MYH14: variants seen among roughly 807,000 people sequenced by gnomAD.
The protein encoded by MYH14 is myosin heavy chain 14.
MYH14 carries 123 observed loss-of-function variants against 255.5 expected under a neutral mutation model. The observed-to-expected ratio is 0.48, with a 90% CI of 0.42 to 0.56. The LOEUF (loss-of-function observed/expected upper bound fraction) is 0.56. Among genes scored for constraint, MYH14 ranks in the 20% least tolerant of loss-of-function variants. The pLI is 0.00. For synonymous variants in MYH14, 1,095 were observed against 1,161.2 expected (o/e 0.94, Z 1.16); for missense variants, 2,423 against 2,802.3 (o/e 0.86, Z 3.06).
chr19:50,300,302 G>T (rs75651826), intron 39 of MYH14, among the ~76,000 whole-genome samples: 1 of 152,116 alleles, frequency 6.6e-6, no homozygotes, highest in Non-Finnish European at 1.5e-5. Context: ...GGGCTGAAAC[G>T]GTTCTCATCT....
Position 50,276,729 on chromosome 19 carries a change from C to G in MYH14, c.3681-28C>G. Reference sequence around the variant, plus strand: ...CCTGCCTTCCTCTGCTCTGAAATTCCCATCCTCTCTCCTTTCCCCCAATAA... The same window carrying G: ...CCTGCCTTCCTCTGCTCTGAAATTCGCATCCTCTCTCCTTTCCCCCAATAA... On this transcript the variant is annotated intron_variant, in intron 28 of 42. Transcript: ENST00000642316. The surrounding 1 kb of genome is among the most constrained non-coding windows in gnomAD (Gnocchi z 4.3). 3 of 1,612,994 alleles carry G rather than the reference C, an allele frequency of 1.9e-6. No individual in the cohort carries two copies. The highest frequency in any genetic ancestry group is 2.2e-5 in the South Asian group (2 of 91,034).
At chr19:50,289,038 C>A (rs1179651988) in intron 34 of MYH14, among the ~76,000 whole-genome samples, 1 of 145,282 alleles carries the variant, frequency 6.9e-6, no homozygotes, top group Non-Finnish European at 1.5e-5. Context: ...CACTGATGAC[C>A]CTGGAGCTAC....
chr19:50,224,032 T>TTCCCC, intron 5 of MYH14, 122 bp from the exon 6 acceptor site: 1 of 610,332 alleles, frequency 1.6e-6, no homozygotes, highest in Non-Finnish European at 3.0e-6. Context: ...ATGCCCGGTT[T>TTCCCC]CCCCAGTCCC....
At chr19:50,220,660 G>A (rs12971365) in intron 3 of MYH14, among the ~76,000 whole-genome samples, 1 of 151,718 alleles carries the variant, frequency 6.6e-6, no homozygotes, top group Non-Finnish European at 1.5e-5. Flanking sequence ...TCAAGCCATT[G>A]TCCTGCCTCA....
At chr19:50,231,053 C>T (rs994749558) in intron 9 of MYH14, 2 of 204,240 alleles carry the variant, frequency 9.8e-6, no homozygotes, top group African/African-American at 2.3e-5. Context: ...GCTCTGGCTC[C>T]TAGGCCACGG....
At chr19:50,236,820 C>T (rs1201344780) in intron 10 of MYH14, among the ~76,000 whole-genome samples, 1 of 152,128 alleles carries the variant, frequency 6.6e-6, no homozygotes, top group Non-Finnish European at 1.5e-5. Flanking sequence ...CACGTCACAC[C>T]ATTCACCTAT....
In MYH14 at chr19:50,249,760, C is replaced by A. The variant is rs780603261; in HGVS notation, c.1593C>A (p.Ile531=). 5.0e-6 allele frequency: 8 copies of A among 1,614,140 alleles called. No individual in the cohort carries two copies. The highest frequency in any genetic ancestry group is 1.3e-5 in the African/African-American group (1 of 74,942). ...AGGAGGAGTACCAGCGTGAGGGCATCCCCTGGACCTTCCTCGACTTTGGCC... is the reference window on the plus strand; with the variant it reads ...AGGAGGAGTACCAGCGTGAGGGCATACCCTGGACCTTCCTCGACTTTGGCC... ...LEQEEYQREG[I]PWTFLDFGLD... is the part of the protein sequence containing the mutation. The change falls in exon 14 of 43, where the codon ATC becomes ATA. Residue 531 remains isoleucine, a synonymous_variant. Transcript: ENST00000642316.
rs7248328 is a variant in MYH14 at position 50,270,929 on chromosome 19, C to T, written c.3034-480C>T. On this transcript the variant is annotated intron_variant, in intron 24 of 42. Transcript: ENST00000642316. Reference sequence around the variant, plus strand: ...CAGGATGGTCTCGATCTGCTGACCTCGTGATCCGCCTGCCTTGGCCTCCCA... The same window carrying T: ...CAGGATGGTCTCGATCTGCTGACCTTGTGATCCGCCTGCCTTGGCCTCCCA... 2.2e-3 allele frequency among the ~76,000 whole-genome samples: 335 copies of T among 152,238 alleles called. 2 individuals carry two copies. Among genetic ancestry groups the T allele is most frequent in the African/African-American group, 7.1e-3 (295 of 41,548 alleles).
At chr19:50,241,592 C>G (rs1255131660) in intron 10 of MYH14, among the ~76,000 whole-genome samples, 2 of 151,848 alleles carry the variant, frequency 1.3e-5, no homozygotes, top group East Asian at 3.8e-4. Context: ...AAAGAACAGC[C>G]TTCTCTGGGA....
At chr19:50,216,664 AT>A (rs2032488645) in intron 2 of MYH14, among the ~76,000 whole-genome samples, 1 of 151,818 alleles carries the variant, frequency 6.6e-6, no homozygotes, top group Admixed American at 6.6e-5. Flanking sequence ...TTATGTGTCT[AT>A]TATCAGTAGA....
At chr19:50,275,775 G>A (rs1601002184) in intron 27 of MYH14, among the ~76,000 whole-genome samples, 1 of 152,216 alleles carries the variant, frequency 6.6e-6, no homozygotes, top group Non-Finnish European at 1.5e-5. Context: ...GCAGTGAGCC[G>A]TGACTGCACC....
chr19:50,307,813 G>A (rs1287658620), intron 41 of MYH14, among the ~76,000 whole-genome samples: 1 of 152,234 alleles, frequency 6.6e-6, no homozygotes, highest in Non-Finnish European at 1.5e-5. Context: ...GCCTGGATCA[G>A]ATCCCAGGTC....
intron 35 of MYH14, 54 bp from the exon 36 acceptor site, chr19:50,290,833 G>C (rs566741311): frequency 3.3e-6 from 5 of 1,526,266 alleles, no homozygotes; most frequent in Non-Finnish European, 4.4e-6. Flanking sequence ...CTAGCACACA[G>C]AGGGAGGCTG....
At chr19:50,235,161 C>G (rs2033601194) in intron 10 of MYH14, among the ~76,000 whole-genome samples, 1 of 152,096 alleles carries the variant, frequency 6.6e-6, no homozygotes, top group South Asian at 2.1e-4. Flanking sequence ...AGTTCGAGAC[C>G]AGCCTGGCCA....
chr19:50,259,724 C>T (rs2034751568), intron 19 of MYH14, among the ~76,000 whole-genome samples: 1 of 151,976 alleles, frequency 6.6e-6, no homozygotes, highest in Non-Finnish European at 1.5e-5. Flanking sequence ...ACTAAAAATA[C>T]AAAATTAGCC....
At chr19:50,216,651 C>T (rs1218591333) in intron 2 of MYH14, among the ~76,000 whole-genome samples, 2 of 151,548 alleles carry the variant, frequency 1.3e-5, no homozygotes, top group Admixed American at 6.6e-5. Flanking sequence ...GTCAGCAGGA[C>T]TGTTATGTGT....
At chr19:50,249,947 A>G in intron 14 of MYH14, 124 bp downstream of exon 14, 1 of 1,209,988 alleles carries the variant, frequency 8.3e-7, no homozygotes, top group Non-Finnish European at 1.2e-6. Flanking sequence ...TCTGTGGGGA[A>G]GGTGACAGCA....
rs776904509 is a variant in MYH14 at position 50,305,154 on chromosome 19, T to A, written c.5679-1895T>A. Among the ~76,000 whole-genome samples, 8 of 151,646 alleles carry A rather than the reference T, an allele frequency of 5.3e-5. No homozygotes were observed. In the South Asian group the frequency reaches 1.0e-3, roughly 20 times the overall value. ...ACGGCCAGCTCTAGGTATAGAAAGA[T>A]CTCTCTGGGGCTAAGGTGGGAATGG... On this transcript the variant is annotated intron_variant, in intron 40 of 42. Transcript: ENST00000642316.
chr19:50,289,065 C>T (rs182813858), intron 34 of MYH14, among the ~76,000 whole-genome samples: 2 of 152,182 alleles, frequency 1.3e-5, no homozygotes, highest in East Asian at 3.9e-4. Flanking sequence ...TCAACCCATT[C>T]GCACAGAATT....
Sources: allele counts gnomAD v4.1 joint callset (sites outside exome capture counted in the v4.1 genomes callset), GRCh38; gene constraint gnomAD v4.1.1; non-coding constraint Gnocchi (gnomAD v3.1); transcripts MANE v1.5; gene names NCBI Gene and HGNC (gene_info 2026-07-23, HGNC 2026-07-21).